Variants in PDE4D observed in about 807,000 individuals in gnomAD.
PDE4D encodes phosphodiesterase 4D.
PDE4D carries 24 observed loss-of-function variants against 87.4 expected under a neutral mutation model. The observed-to-expected ratio is 0.27, with a 90% CI of 0.20 to 0.39. PDE4D has a LOEUF of 0.39. PDE4D is among the 10% of genes least tolerant of loss of function. PDE4D has a pLI of 1.00. For synonymous variants in PDE4D, 384 were observed against 383.2 expected, an observed-to-expected ratio of 1.00 and a Z score of -0.02; for missense variants, 714 against 1,041.0, an observed-to-expected ratio of 0.69 and a Z score of 4.32.
At chr5:59,711,671 C>G (rs1754218294) in intron 1 of PDE4D, among the ~76,000 whole-genome samples, 1 of 152,118 alleles carries the variant, frequency 6.6e-6, no homozygotes, top group Non-Finnish European at 1.5e-5. Context: ...GCTCTTTATG[C>G]CTTCATCATT....
chr5:59,169,743 G>T (rs527825299), intron 5 of PDE4D, among the ~76,000 whole-genome samples: 1 of 152,266 alleles, frequency 6.6e-6, no homozygotes, highest in Non-Finnish European at 1.5e-5. Context: ...TACACAGGCA[G>T]CCCTCTCACC....
intron 1 of PDE4D, among the ~76,000 whole-genome samples, chr5:59,644,002 T>A (rs1393833208): frequency 1.3e-5 from 2 of 152,164 alleles, no homozygotes; most frequent in African/African-American, 4.8e-5. Context: ...AGAGATGTAA[T>A]AATGCATGAG....
chr5:60,504,928 T>C (rs1276889516), intron 1 of PDE4D, among the ~76,000 whole-genome samples: 1 of 152,186 alleles, frequency 6.6e-6, no homozygotes, highest in Non-Finnish European at 1.5e-5. Context: ...AAGCATAAAA[T>C]GCCTCATCTG....
At chr5:60,146,777 G>A (rs543860183) in intron 2 of PDE4D, among the ~76,000 whole-genome samples, 2 of 152,172 alleles carry the variant, frequency 1.3e-5, no homozygotes, top group Admixed American at 6.5e-5. Flanking sequence ...GAACTCAATA[G>A]CAAGAAAATA....
intron 2 of PDE4D, among the ~76,000 whole-genome samples, chr5:60,107,235 C>T (rs571223339): frequency 1.1e-4 from 17 of 152,232 alleles, no homozygotes; most frequent in South Asian, 1.0e-3. Flanking sequence ...AAAACCTCTA[C>T]GCAAATAAAC....
rs1313872127 is a variant in PDE4D at position 59,310,435 on chromosome 5, A to T, written c.456-94467T>A. Among the ~76,000 whole-genome samples, 5 of 152,274 alleles carry T rather than the reference A, an allele frequency of 3.3e-5. No individual in the cohort carries two copies. The East Asian group carries it at 9.7e-4, about 29-fold the overall frequency. Reference sequence around the variant, plus strand: ...AATTTTTAAATCCTGCTACACATTGAGACCAGGTTTTCCAGTGGCTCTTGA... The same window carrying T: ...AATTTTTAAATCCTGCTACACATTGTGACCAGGTTTTCCAGTGGCTCTTGA... On this transcript the variant is annotated intron_variant, in intron 1 of 14. Transcript: ENST00000340635.
intron 1 of PDE4D, among the ~76,000 whole-genome samples, chr5:59,673,592 A>C (rs1004580089): frequency 1.3e-5 from 2 of 152,182 alleles, no homozygotes; most frequent in Non-Finnish European, 2.9e-5. Flanking sequence ...TCAGAACTGC[A>C]CTTGCAAATT....
chr5:59,333,888 G>A (rs1261995574), intron 1 of PDE4D, among the ~76,000 whole-genome samples: 1 of 151,778 alleles, frequency 6.6e-6, no homozygotes, highest in African/African-American at 2.4e-5. Flanking sequence ...ATCTCATTAA[G>A]TAAATATAAA....
intron 1 of PDE4D, among the ~76,000 whole-genome samples, chr5:59,221,378 T>A (rs576756314): frequency 1.2e-4 from 19 of 152,302 alleles, no homozygotes; most frequent in African/African-American, 4.6e-4. Context: ...ATGCCTATAA[T>A]CCCAGCACTT....
chr5:60,501,269 C>T (rs7700437), intron 1 of PDE4D, among the ~76,000 whole-genome samples: 11,773 of 151,834 alleles, frequency 0.078, 1,286 homozygotes, highest in African/African-American at 0.25. Flanking sequence ...TTTGTTCTTG[C>T]GATAGTTTAC....
chr5:60,431,441 C>T (rs1197477246), intron 1 of PDE4D, among the ~76,000 whole-genome samples: 5 of 150,280 alleles, frequency 3.3e-5, no homozygotes, highest in East Asian at 4.0e-4. Context: ...GACGGGGCGG[C>T]GGGGCAGAGG....
chr5:59,599,844 A>G (rs1050902921), intron 1 of PDE4D, among the ~76,000 whole-genome samples: 2 of 152,152 alleles, frequency 1.3e-5, no homozygotes, highest in African/African-American at 4.8e-5. Context: ...TGGGATTGGA[A>G]GGCACAGAAA....
At chr5:59,626,396 C>A (rs901886475) in intron 1 of PDE4D, among the ~76,000 whole-genome samples, 5 of 152,170 alleles carry the variant, frequency 3.3e-5, no homozygotes, top group Admixed American at 3.3e-4. Context: ...CCCAATAAAG[C>A]TGAAAGTACT....
chr5:59,353,804 A>G (rs1449581303), intron 1 of PDE4D, among the ~76,000 whole-genome samples: 1 of 151,882 alleles, frequency 6.6e-6, no homozygotes. Flanking sequence ...TTAATAAGCT[A>G]TATATTAATC....
intron 1 of PDE4D, among the ~76,000 whole-genome samples, chr5:59,291,738 G>GGT (rs1768061108): frequency 8.0e-6 from 1 of 125,576 alleles, no homozygotes; most frequent in Non-Finnish European, 1.7e-5. Context: ...GTAAAAAGAA[G>GGT]TTTTTTTTTT....
intron 5 of PDE4D, among the ~76,000 whole-genome samples, chr5:59,108,968 T>A (rs891344114): frequency 6.8e-6 from 1 of 146,964 alleles, no homozygotes; most frequent in Non-Finnish European, 1.5e-5. Context: ...TGTGTGTGTG[T>A]GTGTGTGTGT....
At chr5:58,977,131 G>A in intron 12 of PDE4D, 60 bp downstream of exon 12, 2 of 1,470,424 alleles carry the variant, frequency 1.4e-6, no homozygotes, top group Non-Finnish European at 9.3e-7. Context: ...TTGTTCTTAT[G>A]TCTAAATTAT....
intron 2 of PDE4D, among the ~76,000 whole-genome samples, chr5:60,025,963 A>T (rs1766579883): frequency 6.6e-6 from 1 of 152,116 alleles, no homozygotes; most frequent in Admixed American, 6.6e-5. Context: ...GTCACATGGG[A>T]TTGTCTAGTT....
intron 3 of PDE4D, among the ~76,000 whole-genome samples, chr5:59,923,765 T>C (rs1359762797): frequency 6.6e-6 from 1 of 152,136 alleles, no homozygotes; most frequent in Non-Finnish European, 1.5e-5. Context: ...GAAAGGCAGG[T>C]ACAAACAAGC....
Sources: allele counts gnomAD v4.1 joint callset (sites outside exome capture counted in the v4.1 genomes callset), GRCh38; gene constraint gnomAD v4.1.1; transcripts MANE v1.5; gene names NCBI Gene and HGNC (gene_info 2026-07-23, HGNC 2026-07-21).